The following TTI1 variants were observed in gnomAD, a reference collection of about 807,000 sequenced individuals.
The protein encoded by TTI1 is TELO2 interacting protein 1.
Under a neutral mutation model 85.4 loss-of-function variants are expected in TTI1, and 52 were observed. That is an observed-to-expected ratio of 0.61 (90% CI 0.49 to 0.77). The LOEUF is 0.77. Among genes scored for constraint, TTI1 ranks in the 30% least tolerant of loss-of-function variants. The probability of loss-of-function intolerance (pLI) is 0.00; values close to 1 mark genes in which losing one functional copy is unlikely to be tolerated. For missense variants in TTI1, 1,173 were observed against 1,296.0 expected, an observed-to-expected ratio of 0.91 and a Z score of 1.46; for synonymous variants, 512 against 503.9, an observed-to-expected ratio of 1.02 and a Z score of -0.22.
At chr20:37,986,888 C>T (rs1373111151) in intron 7 of TTI1, among the ~76,000 whole-genome samples, 1 of 152,196 alleles carries the variant, frequency 6.6e-6, no homozygotes, top group Non-Finnish European at 1.5e-5. Context: ...TAATTTTCTC[C>T]ATACTGACTT....
chr20:38,023,575 A>T (rs2073798095), intron 1 of TTI1, among the ~76,000 whole-genome samples: 1 of 152,242 alleles, frequency 6.6e-6, no homozygotes, highest in African/African-American at 2.4e-5. Context: ...ACACTGGAGG[A>T]CTACTATCTT....
intron 7 of TTI1, chr20:37,987,537 G>C (rs576499824): frequency 1.4e-5 from 5 of 366,220 alleles, no homozygotes; most frequent in South Asian, 8.4e-5. Context: ...TGGCTCCAGA[G>C]AGCACAGTTA....
chr20:38,011,113 T>C lies in TTI1; in HGVS notation c.2302+402A>G, dbSNP rs144448095. Among the ~76,000 whole-genome samples, 424 of 152,366 alleles carry C rather than the reference T, an allele frequency of 2.8e-3. 3 individuals carry two copies. The highest frequency in any genetic ancestry group is 9.7e-3 in the African/African-American group (403 of 41,596). ...ACGTTATATCTGTTCTTCATTAGCA[T>C]AGATACTGCTAACTCTATGCATCAT... On this transcript the variant is annotated intron_variant, in intron 2 of 7. Transcript: ENST00000373447.
At chr20:37,997,042 T>A in intron 5 of TTI1, 89 bp from the exon 6 acceptor site, 1 of 1,405,860 alleles carries the variant, frequency 7.1e-7, no homozygotes. Context: ...TTCATCTAGG[T>A]CTCTGCTTGG....
Position 38,012,781 on chromosome 20 carries a change from C to T in TTI1, c.1036G>A (p.Glu346Lys), listed in dbSNP as rs1484768208. The change falls in exon 2 of 8, where the codon GAA becomes AAA. Residue 346 changes from glutamate (E) to lysine (K), a missense_variant. Physicochemically the swap from Glu to Lys is moderately conservative, Grantham distance 56. Coordinates refer to ENST00000373447, the MANE Select transcript of TTI1 (RefSeq NM_001303457.2). ...LVGLVNDESP[E>K]IQAQCNKVLR... is the part of the protein sequence containing the mutation. The stretch of plus-strand genomic sequence containing the variant: ...ACTTTATTGCACTGGGCTTGGATTT[C>T]AGGACTCTCATCATTTACTAGTCCC... The T allele has an allele frequency of 6.2e-7, 1 of 1,614,198 alleles. No individual in the cohort carries two copies. The highest frequency in any genetic ancestry group is 2.2e-5 in the East Asian group (1 of 44,890).
chr20:37,995,422 A>T (rs569916643), intron 7 of TTI1, among the ~76,000 whole-genome samples: 1 of 152,352 alleles, frequency 6.6e-6, no homozygotes, highest in East Asian at 1.9e-4. Context: ...CCTAACTCCC[A>T]CCCCACTGAA....
At chr20:37,984,745 T>C (rs573263835) in intron 7 of TTI1, among the ~76,000 whole-genome samples, 70 of 152,268 alleles carry the variant, frequency 4.6e-4, no homozygotes, top group South Asian at 1.9e-3. Context: ...ATATTGACCA[T>C]TGATTGTCTC....
At chr20:38,005,281 T>G (rs2073480060) in intron 3 of TTI1, among the ~76,000 whole-genome samples, 1 of 152,216 alleles carries the variant, frequency 6.6e-6, no homozygotes, top group South Asian at 2.1e-4. Context: ...CATTATGACT[T>G]GGCATTTTAT....
intron 7 of TTI1, among the ~76,000 whole-genome samples, chr20:37,995,149 T>C (rs1394790780): frequency 1.3e-5 from 2 of 152,182 alleles, no homozygotes; most frequent in African/African-American, 4.8e-5. Flanking sequence ...GGAATAAAAA[T>C]GCCTGGGGAC....
chr20:38,030,012 G>A (rs2045264764), intron 1 of TTI1, among the ~76,000 whole-genome samples: 1 of 152,004 alleles, frequency 6.6e-6, no homozygotes, highest in Non-Finnish European at 1.5e-5. Flanking sequence ...CCCAGTTTCA[G>A]GTATTCTGTT....
chr20:37,990,791 A>G lies in TTI1; in HGVS notation c.3086+5584T>C, dbSNP rs147789074. 8.0e-3 allele frequency among the ~76,000 whole-genome samples: 1,215 copies of G among 152,262 alleles called. 6 individuals are homozygous for G. The highest frequency in any genetic ancestry group is 0.023 in the African/African-American group (948 of 41,540). On this transcript the variant is annotated intron_variant, in intron 7 of 7. Transcript: ENST00000373447. ...GACCAGGCTCGATCTGTCATCGAGAACATTCTGCTCCCAACCTGGCACGGC... is the reference window on the plus strand; with the variant it reads ...GACCAGGCTCGATCTGTCATCGAGAGCATTCTGCTCCCAACCTGGCACGGC...
At chr20:38,032,772 A>T (rs2122671139) in intron 1 of TTI1, among the ~76,000 whole-genome samples, 1 of 152,264 alleles carries the variant, frequency 6.6e-6, no homozygotes, top group South Asian at 2.1e-4. Flanking sequence ...CTTGAACTCC[A>T]GTCCTCAAGC....
chr20:37,996,307 T>C, intron 7 of TTI1, 68 bp downstream of exon 7: 3 of 1,550,428 alleles, frequency 1.9e-6, no homozygotes, highest in East Asian at 2.3e-5. Flanking sequence ...TCAACTCTGC[T>C]TGCCATTAGC....
At chr20:38,011,058 C>T (rs1428767527) in intron 2 of TTI1, among the ~76,000 whole-genome samples, 2 of 152,060 alleles carry the variant, frequency 1.3e-5, no homozygotes, top group African/African-American at 4.8e-5. Context: ...CTCTTAGTAC[C>T]GTTCTAGACA....
At chr20:38,018,796 A>C (rs925858180) in intron 1 of TTI1, among the ~76,000 whole-genome samples, 9 of 150,058 alleles carry the variant, frequency 6.0e-5, no homozygotes, top group Non-Finnish European at 8.9e-5. Flanking sequence ...TTTTTTTTTT[A>C]ATCTATGGAC....
chr20:38,019,101 G>C (rs1159810802), intron 1 of TTI1: 1 of 151,216 alleles, frequency 6.6e-6, no homozygotes, highest in Non-Finnish European at 1.5e-5. Flanking sequence ...AATGAGCTGT[G>C]ATTGTGCCAC....
intron 4 of TTI1, among the ~76,000 whole-genome samples, chr20:37,999,980 G>C (rs1025064285): frequency 8.5e-5 from 13 of 152,210 alleles, no homozygotes; most frequent in Admixed American, 3.9e-4. Context: ...GAGTGGAGAA[G>C]AGACTTGAAG....
intron 1 of TTI1, among the ~76,000 whole-genome samples, chr20:38,015,258 T>C (rs1188895186): frequency 1.3e-5 from 2 of 152,162 alleles, no homozygotes; most frequent in Non-Finnish European, 2.9e-5. Flanking sequence ...CTGACCTCCC[T>C]GGAACCCTAT....
At chr20:38,029,451 A>C (rs966769146) in intron 1 of TTI1, among the ~76,000 whole-genome samples, 3 of 152,090 alleles carry the variant, frequency 2.0e-5, no homozygotes, top group Admixed American at 6.6e-5. Flanking sequence ...AAGGAGCAGA[A>C]ACTGACAAAA....
Sources: gnomAD v4.1 joint callset for allele counts (sites outside exome capture counted in the v4.1 genomes callset) on GRCh38, gnomAD v4.1.1 for gene constraint, MANE v1.5 for transcripts, NCBI Gene and HGNC (gene_info 2026-07-23, HGNC 2026-07-21) for gene names.